Variants in PCDHA2 observed in about 807,000 individuals in gnomAD.
PCDHA2 encodes protocadherin alpha-2.
Under a neutral mutation model 66.0 loss-of-function variants are expected in PCDHA2, and 58 were observed. The ratio of observed to expected loss-of-function variants is 0.88; its 90% CI spans 0.71 to 1.09. PCDHA2 has a LOEUF of 1.09. Ranked by LOEUF, PCDHA2 falls within the 50% of genes least tolerant of loss-of-function variation. The probability of loss-of-function intolerance (pLI) is 0.00; values close to 1 mark genes in which losing one functional copy is unlikely to be tolerated. For missense variants in PCDHA2, 1,267 were observed against 1,242.3 expected (o/e 1.02, Z -0.30); for synonymous variants, 634 against 554.0 (o/e 1.14, Z -2.03).
At position 140,978,994 on chromosome 5, in the gene PCDHA2, GCAGGCATGCA is replaced by G; in HGVS notation, c.2439_2447+1del. 3 of 1,614,152 alleles carry G rather than the reference GCAGGCATGCA, an allele frequency of 1.9e-6. No homozygotes were observed. The highest frequency in any genetic ancestry group is 8.5e-7 in the Non-Finnish European group (1 of 1,180,022). ...CTGGCGTTACTCTGCCTCCCTGAGA[GCAGGCATGCA>G]CAGGTATGTATTTCCCTCCTCATTC... On this transcript the variant is annotated frameshift_variant, in exon 2 of 4. Transcript: ENST00000526136. LOFTEE classifies it high-confidence loss of function.
chr5:140,811,048 G>T (rs1554125652), intron 1 of PCDHA2: 1 of 152,106 alleles, frequency 6.6e-6, no homozygotes, highest in African/African-American at 2.4e-5. Context: ...GGATACATGT[G>T]CACAACGTGC....
intron 1 of PCDHA2, chr5:140,841,224 A>G: frequency 6.9e-7 from 1 of 1,450,532 alleles, no homozygotes; most frequent in South Asian, 1.4e-5. Context: ...AGGCCGAACA[A>G]CGGGAGATGC....
Position 140,884,687 on chromosome 5 carries a change from T to C in PCDHA2, c.2388+87335T>C, listed in dbSNP as rs782253030. The C allele has an allele frequency of 4.6e-6, 7 of 1,538,230 alleles. No homozygotes were observed. In the South Asian group the frequency reaches 8.8e-5, roughly 19 times the overall value. On this transcript the variant is annotated intron_variant, in intron 1 of 3. Coordinates refer to ENST00000526136, the MANE Select transcript of PCDHA2 (RefSeq NM_018905.3). ...GGTAAGCTTATATTTTAAAAAATTGTCTTAGTAAACACTTTAGCCTTCCTT... is the reference window on the plus strand; with the variant it reads ...GGTAAGCTTATATTTTAAAAAATTGCCTTAGTAAACACTTTAGCCTTCCTT...
intron 1 of PCDHA2, chr5:140,823,708 C>A: frequency 6.2e-7 from 1 of 1,613,946 alleles, no homozygotes; most frequent in Non-Finnish European, 8.5e-7. Context: ...ACCGCGCCAC[C>A]GCCTTCTGGT....
intron 1 of PCDHA2, chr5:140,824,407 A>G (rs1768108209): frequency 1.9e-6 from 1 of 536,144 alleles, no homozygotes; most frequent in East Asian, 3.1e-5. Context: ...TAATTGTAAG[A>G]CATAGTTTGG....
intron 1 of PCDHA2, among the ~76,000 whole-genome samples, chr5:140,798,377 A>C (rs1554120657): frequency 6.6e-6 from 1 of 152,220 alleles, no homozygotes; most frequent in African/African-American, 2.4e-5. Context: ...AAAAATAGAG[A>C]GTATTGAGAA....
intron 1 of PCDHA2, chr5:140,867,134 T>C (rs1162274165): frequency 6.6e-6 from 1 of 152,178 alleles, no homozygotes; most frequent in Non-Finnish European, 1.5e-5. Context: ...AAATATGTGA[T>C]ATTATCATTT....
rs782153371 is a variant in PCDHA2, at chr5:140,807,406, CCTT to C, written c.2388+10057_2388+10059del. 30 of 1,545,960 alleles carry C rather than the reference CCTT, an allele frequency of 1.9e-5. 3 individuals are homozygous for C. In the Admixed American group the frequency reaches 2.8e-4, roughly 15 times the overall value. On this transcript the variant is annotated intron_variant, in intron 1 of 3. Transcript: ENST00000526136. ...GGGTGGCGTCCAAGGGCCGCGGAGG[CCTT>C]CTGGAGGTAAATCTGCAGAATGGCA...
intron 1 of PCDHA2, chr5:140,809,146 C>A (rs1554125024): frequency 1.2e-6 from 2 of 1,613,986 alleles, no homozygotes; most frequent in East Asian, 4.5e-5. Context: ...TGGTGAAGGA[C>A]CACGGCGAGC....
intron 1 of PCDHA2, chr5:140,863,299 G>T (rs868935823): frequency 1.4e-6 from 2 of 1,462,780 alleles, no homozygotes; most frequent in Non-Finnish European, 9.3e-7. Flanking sequence ...CCTGATCATC[G>T]CCATCTGCGT....
intron 1 of PCDHA2, chr5:140,823,947 G>T (rs2150130652): frequency 1.7e-5 from 28 of 1,613,980 alleles, no homozygotes; most frequent in Non-Finnish European, 2.2e-5. Context: ...GGTGCTCGGC[G>T]CAGCCCACCG....
intron 1 of PCDHA2, chr5:140,808,917 T>C (rs781794115): frequency 2.5e-6 from 4 of 1,613,602 alleles, no homozygotes; most frequent in Non-Finnish European, 3.4e-6. Flanking sequence ...GGTGGCGCAG[T>C]GAGCGAGCTG....
chr5:140,870,806 A>C (rs546684407), intron 1 of PCDHA2: 10 of 1,613,686 alleles, frequency 6.2e-6, no homozygotes, highest in Admixed American at 5.0e-5. Flanking sequence ...CTGGCGACTC[A>C]GGCTGGCAGC....
At chr5:140,825,834 A>G (rs1018722361) in intron 1 of PCDHA2, 1 of 152,430 alleles carries the variant, frequency 6.6e-6, no homozygotes, top group Non-Finnish European at 1.5e-5. Context: ...TAAAAAAATA[A>G]ATATACCATG....
intron 1 of PCDHA2, among the ~76,000 whole-genome samples, chr5:140,919,230 A>G (rs56002): frequency 0.32 from 48,085 of 151,928 alleles, 7,955 homozygotes; most frequent in East Asian, 0.53. Flanking sequence ...TTCTAGTAAC[A>G]CTTTTTGTCT....
intron 1 of PCDHA2, chr5:140,816,296 T>C (rs1765877176): frequency 6.6e-6 from 1 of 152,258 alleles, no homozygotes; most frequent in South Asian, 2.1e-4. Context: ...CTGTTGAACA[T>C]GTCTGTAAAA....
intron 1 of PCDHA2, among the ~76,000 whole-genome samples, chr5:140,899,128 T>A (rs1217010779): frequency 3.9e-5 from 6 of 152,160 alleles, no homozygotes; most frequent in Non-Finnish European, 7.3e-5. Context: ...CAATCATGTC[T>A]TCTGCAAACA....
rs781833961 is a variant in PCDHA2 at position 140,836,399 on chromosome 5, C to A, written c.2388+39047C>A. 2 of 1,613,764 alleles carry A rather than the reference C, an allele frequency of 1.2e-6. No homozygotes were observed. The highest frequency in any genetic ancestry group is 8.5e-7 in the Non-Finnish European group (1 of 1,179,846). On this transcript the variant is annotated intron_variant, in intron 1 of 3. Coordinates refer to ENST00000526136, the MANE Select transcript of PCDHA2 (RefSeq NM_018905.3). ...CCGTGCTGGTGTCGCTGGTGGAAAG[C>A]GGCCAGGCACCAAAGGCGTCGTCGC...
chr5:140,991,844 C>T (rs892318388), intron 3 of PCDHA2, among the ~76,000 whole-genome samples: 2 of 152,334 alleles, frequency 1.3e-5, no homozygotes, highest in Middle Eastern at 6.8e-3. Flanking sequence ...AACCGCACTT[C>T]CAGATACCAA....
Sources: gnomAD v4.1 joint callset for allele counts (sites outside exome capture counted in the v4.1 genomes callset) on GRCh38, gnomAD v4.1.1 for gene constraint, MANE v1.5 for transcripts, NCBI Gene and HGNC (gene_info 2026-07-23, HGNC 2026-07-21) for gene names.